The following SGCG variants were observed in gnomAD, a reference collection of about 807,000 sequenced individuals.
SGCG encodes sarcoglycan gamma, also known as gamma-sarcoglycan.
In SGCG, 26 loss-of-function variants were observed where a neutral mutation model predicts 29.3. The ratio of observed to expected loss-of-function variants is 0.89; its 90% CI spans 0.65 to 1.23. SGCG has a LOEUF of 1.23. Ranked by LOEUF, SGCG falls within the 50% of genes most tolerant of loss-of-function variation. The pLI is 0.00. For synonymous variants in SGCG, 145 were observed against 129.7 expected (o/e 1.12, Z -0.80); for missense variants, 353 against 356.0 (o/e 0.99, Z 0.07).
intron 2 of SGCG, among the ~76,000 whole-genome samples, chr13:23,231,173 CT>C (rs1298809497): frequency 6.6e-6 from 1 of 152,076 alleles, no homozygotes; most frequent in Non-Finnish European, 1.5e-5. Context: ...TGATTTTCTG[CT>C]GGAGTCGATT....
upstream of SGCG, among the ~76,000 whole-genome samples, chr13:23,180,761 C>CTTGT (rs1231933418): frequency 2.6e-5 from 4 of 152,144 alleles, no homozygotes; most frequent in Non-Finnish European, 4.4e-5. Flanking sequence ...AGTTTGGTTT[C>CTTGT]TTGTTTGTTT....
chr13:23,280,441 A>T (rs1249033925), intron 5 of SGCG, among the ~76,000 whole-genome samples: 1 of 152,164 alleles, frequency 6.6e-6, no homozygotes, highest in Non-Finnish European at 1.5e-5. Flanking sequence ...AGTAGACTCC[A>T]CCCTATTACA....
chr13:23,307,071 T>C (rs1882387361), intron 6 of SGCG, among the ~76,000 whole-genome samples: 1 of 152,244 alleles, frequency 6.6e-6, no homozygotes, highest in South Asian at 2.1e-4. Context: ...TTAGTATTTT[T>C]TCTTAACAAA....
intron 6 of SGCG, among the ~76,000 whole-genome samples, chr13:23,308,860 G>A (rs1325332962): frequency 6.6e-6 from 1 of 151,970 alleles, no homozygotes; most frequent in East Asian, 1.9e-4. Context: ...TACCATGCCT[G>A]GACTGTTTTT....
At chr13:23,175,878 C>A in the SGCG span, among the ~76,000 whole-genome samples, 5 of 151,936 alleles carry the variant, frequency 3.3e-5, no homozygotes, top group Admixed American at 6.6e-5. Flanking sequence ...GATAAATAAT[C>A]AAAGAATATG....
At chr13:23,310,420 C>G (rs1882550457) in intron 6 of SGCG, among the ~76,000 whole-genome samples, 1 of 152,122 alleles carries the variant, frequency 6.6e-6, no homozygotes, top group Non-Finnish European at 1.5e-5. Flanking sequence ...TAATGTTACC[C>G]TTTTGCCCTT....
chr13:23,288,534 T>C (rs911378874), intron 5 of SGCG, among the ~76,000 whole-genome samples: 12 of 152,208 alleles, frequency 7.9e-5, no homozygotes, highest in Admixed American at 7.2e-4. Flanking sequence ...TCAACTAGGA[T>C]ACTGAATAAT....
upstream of SGCG, chr13:23,180,834 T>G (rs1213264366): frequency 2.0e-5 from 3 of 152,144 alleles, no homozygotes; most frequent in Non-Finnish European, 4.4e-5. Context: ...CCCAAAAAAT[T>G]TTAAGTGTGG....
chr13:23,224,292 A>C (rs1536723), intron 2 of SGCG, among the ~76,000 whole-genome samples: 90,200 of 152,064 alleles, frequency 0.59, 27,298 homozygotes, highest in East Asian at 0.86. Flanking sequence ...TAATAAGGTG[A>C]AACTACAGGC....
chr13:23,296,969 A>T (rs1243875914), intron 6 of SGCG, among the ~76,000 whole-genome samples: 4 of 152,162 alleles, frequency 2.6e-5, no homozygotes, highest in Admixed American at 2.6e-4. Context: ...CACATTTAGA[A>T]TTTAAACTTG....
chr13:23,230,257 T>G (rs1879059468), intron 2 of SGCG, among the ~76,000 whole-genome samples: 1 of 152,226 alleles, frequency 6.6e-6, no homozygotes, highest in Non-Finnish European at 1.5e-5. Flanking sequence ...TTGTCTTGGC[T>G]AATTCGGGCT....
intron 4 of SGCG, among the ~76,000 whole-genome samples, chr13:23,263,377 G>C (rs1880520264): frequency 6.6e-6 from 1 of 152,000 alleles, no homozygotes; most frequent in Non-Finnish European, 1.5e-5. Context: ...AGAAAATCTA[G>C]AGGAAGTGGA....
chr13:23,279,709 C>CCCTTCCTTCCTTCCTTCCTTCCTT (rs146797198), intron 5 of SGCG, among the ~76,000 whole-genome samples: 15,594 of 148,036 alleles, frequency 0.11, 1,015 homozygotes, highest in Non-Finnish European at 0.12. Flanking sequence ...TACCCTTTGT[C>CCCTTCCTTCCTTCCTTCCTTCCTT]CCTTCCTTCC....
intron 4 of SGCG, among the ~76,000 whole-genome samples, chr13:23,275,142 T>TATATATAG (rs1336045794): frequency 6.8e-6 from 1 of 148,016 alleles, no homozygotes; most frequent in Admixed American, 6.7e-5. Flanking sequence ...TATATATATA[T>TATATATAG]AGAAATGAGG....
intron 6 of SGCG, among the ~76,000 whole-genome samples, chr13:23,310,785 A>G (rs1388041676): frequency 1.3e-5 from 2 of 151,798 alleles, no homozygotes; most frequent in Non-Finnish European, 2.9e-5. Context: ...TCTTTTGTTT[A>G]TATGCACAGA....
intron 2 of SGCG, among the ~76,000 whole-genome samples, chr13:23,214,116 T>C (rs571500842): frequency 6.6e-6 from 1 of 152,288 alleles, no homozygotes. Flanking sequence ...CCTCTCAAAG[T>C]ATCAAAGAAC....
At chr13:23,289,001 T>C (rs991778477) in intron 5 of SGCG, among the ~76,000 whole-genome samples, 3 of 152,162 alleles carry the variant, frequency 2.0e-5, no homozygotes, top group Non-Finnish European at 4.4e-5. Flanking sequence ...AGTGATAGTG[T>C]AGAAATGCCA....
chr13:23,189,237 C>T (rs911661177), intron 1 of SGCG, among the ~76,000 whole-genome samples: 12 of 152,116 alleles, frequency 7.9e-5, no homozygotes, highest in South Asian at 2.1e-4. Flanking sequence ...AGTGCAGTGG[C>T]GCGATCTCAG....
intron 4 of SGCG, among the ~76,000 whole-genome samples, chr13:23,254,091 T>G (rs1020677484): frequency 1.3e-5 from 2 of 152,078 alleles, no homozygotes; most frequent in Admixed American, 1.3e-4. Context: ...TACTGAGGAG[T>G]GAGCCATTGC....
Sources: gnomAD v4.1 joint callset for allele counts (sites outside exome capture counted in the v4.1 genomes callset) on GRCh38, gnomAD v4.1.1 for gene constraint, MANE v1.5 for transcripts, NCBI Gene and HGNC (gene_info 2026-07-23, HGNC 2026-07-21) for gene names.